Variants in RPGRIP1 observed in about 807,000 individuals in gnomAD.
RPGRIP1 encodes the protein X-linked retinitis pigmentosa GTPase regulator-interacting protein 1.
RPGRIP1 carries 128 observed loss-of-function variants against 157.9 expected under a neutral mutation model. The observed-to-expected ratio is 0.81, with a 90% CI of 0.70 to 0.94. RPGRIP1 has a LOEUF of 0.94. Among genes scored for constraint, RPGRIP1 ranks in the 40% least tolerant of loss-of-function variants. The probability of loss-of-function intolerance (pLI) is 0.00; values close to 1 mark genes in which losing one functional copy is unlikely to be tolerated. For missense variants in RPGRIP1, 1,486 were observed against 1,545.8 expected, an observed-to-expected ratio of 0.96 and a Z score of 0.65; for synonymous variants, 554 against 571.6, an observed-to-expected ratio of 0.97 and a Z score of 0.44.
At chr14:21,285,901 T>TG (rs1182958576) in intron 1 of RPGRIP1, among the ~76,000 whole-genome samples, 1 of 151,748 alleles carries the variant, frequency 6.6e-6, no homozygotes, top group Non-Finnish European at 1.5e-5. Context: ...GAGAGGAAAA[T>TG]GGGGAGAGCA....
chr14:21,342,075 C>G (rs1885070578), intron 21 of RPGRIP1, among the ~76,000 whole-genome samples: 1 of 150,714 alleles, frequency 6.6e-6, no homozygotes, highest in Admixed American at 6.6e-5. Context: ...GACTGGAGTT[C>G]CTGTGGGAGG....
intron 12 of RPGRIP1, among the ~76,000 whole-genome samples, chr14:21,320,595 CTTTTTTTTT>C (rs34911429): frequency 2.1e-5 from 2 of 95,170 alleles, no homozygotes; most frequent in Non-Finnish European, 4.0e-5. Flanking sequence ...CCGGCCCACT[CTTTTTTTTT>C]TTTTTTTTTT....
At chr14:21,298,325 C>T (rs1043116943) in intron 3 of RPGRIP1, among the ~76,000 whole-genome samples, 2 of 152,006 alleles carry the variant, frequency 1.3e-5, no homozygotes, top group African/African-American at 4.8e-5. Context: ...CGTGGTGAAA[C>T]CCCGTCTCTT....
At chr14:21,328,015 A>G (rs1448219619) in intron 18 of RPGRIP1, among the ~76,000 whole-genome samples, 5 of 152,132 alleles carry the variant, frequency 3.3e-5, no homozygotes, top group Admixed American at 1.3e-4. Flanking sequence ...CTAAAAATAC[A>G]AAAAATTAGC....
At chr14:21,323,918 G>A (rs1405000808) in intron 14 of RPGRIP1, 1 of 154,466 alleles carries the variant, frequency 6.5e-6, no homozygotes, top group Admixed American at 6.3e-5. Context: ...ATTTGAAGCA[G>A]GCTATATATC....
At chr14:21,328,281 A>G in intron 18 of RPGRIP1, 143 bp from the exon 19 acceptor site, 3 of 631,886 alleles carry the variant, frequency 4.7e-6, no homozygotes, top group Non-Finnish European at 8.2e-6. Context: ...CCTGGGTTTT[A>G]CTGCGGAAAA....
rs1034901953 is a variant in RPGRIP1 at position 21,321,201 on chromosome 14, A to G, written c.1468-58A>G. ...ACCAACAACTGTTTTATGGAGAATC[A>G]TTATTACTTTACCTGTCATATTTAT... On this transcript the variant is annotated intron_variant, in intron 12 of 24. Coordinates refer to ENST00000400017, the MANE Select transcript of RPGRIP1 (RefSeq NM_020366.4). 7.2e-6 allele frequency: 11 copies of G among 1,534,176 alleles called. No homozygotes were observed. In the South Asian group the frequency reaches 8.6e-5, roughly 12 times the overall value.
chr14:21,348,190 A>G lies in RPGRIP1; in HGVS notation c.3636A>G (p.Val1212=). The change falls in exon 24 of 25, where the codon GTA becomes GTG. Residue 1212 remains valine, a synonymous_variant. Transcript: ENST00000400017. Reference sequence around the variant, plus strand: ...TTTTTAGTTTAAAGTTTACAGTGGTAAGTGATCCTCTGGATGAAGAAAAGA... The same window carrying G: ...TTTTTAGTTTAAAGTTTACAGTGGTGAGTGATCCTCTGGATGAAGAAAAGA... ...PDQGHLKFTV[V]SDPLDEEKKE... 1 of 1,584,396 alleles carries G rather than the reference A, an allele frequency of 6.3e-7. No homozygotes were observed. The highest frequency in any genetic ancestry group is 1.3e-5 in the African/African-American group (1 of 74,442).
intron 14 of RPGRIP1, 37 bp downstream of exon 14, chr14:21,322,041 C>G: frequency 6.5e-7 from 1 of 1,546,116 alleles, no homozygotes; most frequent in Non-Finnish European, 8.8e-7. Context: ...ACTTCGGGAC[C>G]CTTCCACAGC....
Position 21,327,699 on chromosome 14 carries a change from C to T in RPGRIP1, c.2787C>T (p.Tyr929=). 1.2e-6 allele frequency: 2 copies of T among 1,613,894 alleles called. No individual in the cohort carries two copies. The highest frequency in any genetic ancestry group is 1.7e-6 in the Non-Finnish European group (2 of 1,179,802). Residue 929 remains tyrosine (Y), a synonymous_variant, in exon 18 of 25, where the codon TAC becomes TAT. Coordinates refer to ENST00000400017, the MANE Select transcript of RPGRIP1 (RefSeq NM_020366.4). ...IQVQLDWKFP[Y]IPPESFLKPE... Reference sequence around the variant, plus strand: ...TGCAACTGGATTGGAAGTTTCCCTACATACCCCCTGAGAGCTTCCTGAAAC... The same window carrying T: ...TGCAACTGGATTGGAAGTTTCCCTATATACCCCCTGAGAGCTTCCTGAAAC...
chr14:21,290,337 T>G (rs1046484048), intron 2 of RPGRIP1, among the ~76,000 whole-genome samples: 1 of 152,230 alleles, frequency 6.6e-6, no homozygotes, highest in African/African-American at 2.4e-5. Context: ...CACTTGTTAT[T>G]GTTTGTAACT....
rs567586088 is a variant in RPGRIP1 at position 21,287,478 on chromosome 14, G to T, written c.-38-461G>T. On this transcript the variant is annotated intron_variant, in intron 1 of 24. Transcript: ENST00000400017. ...CAGTTTTATTTTCAACCTCCTAGGA[G>T]ATAGAATCTGATTGGTTCAGCGAGG... Among the ~76,000 whole-genome samples, 393 of 152,282 alleles carry T rather than the reference G, an allele frequency of 2.6e-3. 4 individuals are homozygous for T. The highest frequency in any genetic ancestry group is 9.1e-3 in the African/African-American group (378 of 41,566).
Position 21,328,576 on chromosome 14 carries a change from G to A in RPGRIP1, c.3048G>A (p.Lys1016=). 6.2e-7 allele frequency: 1 copy of A among 1,613,736 alleles called. No individual in the cohort carries two copies. Among genetic ancestry groups the A allele is most frequent in the Non-Finnish European group, 8.5e-7 (1 of 1,179,732 alleles). ...KHGKRIGVQG[K]NRMEYLSLNI... ...GCAAAAGAATAGGTGTTCAAGGAAA[G>A]AATAGAATGGAGTATCTTAGCCTTA... Residue 1016 remains lysine, a synonymous_variant, in exon 19 of 25, where the codon AAG becomes AAA. Transcript: ENST00000400017.
chr14:21,348,770 G>A lies in RPGRIP1; in HGVS notation c.3748+468G>A, dbSNP rs576806851. 8.8e-5 allele frequency among the ~76,000 whole-genome samples: 13 copies of A among 147,076 alleles called. No individual in the cohort carries two copies. The East Asian group carries it at 2.7e-3, about 31-fold the overall frequency. On this transcript the variant is annotated intron_variant, in intron 24 of 24. Coordinates refer to ENST00000400017, the MANE Select transcript of RPGRIP1 (RefSeq NM_020366.4). ...AACCTCTGCCTCCCAGGTTCCAGCT[G>A]TTCTCCTGCCTCAGCTTCCTGCCTC...
intron 4 of RPGRIP1, among the ~76,000 whole-genome samples, chr14:21,302,279 T>TA (rs550955767): frequency 1.0e-3 from 153 of 152,288 alleles, no homozygotes; most frequent in Middle Eastern, 3.4e-3. Context: ...TATTTGTACT[T>TA]ACTCACTTGA....
At chr14:21,288,104 G>T (rs375014022) in intron 2 of RPGRIP1, 43 bp downstream of exon 2, 9 of 1,255,366 alleles carry the variant, frequency 7.2e-6, no homozygotes, top group African/African-American at 5.9e-5. Context: ...AGAATTAAAA[G>T]AACTCTCACT....
At position 21,310,083 on chromosome 14, in the gene RPGRIP1, A is replaced by C. The variant is rs1330045154; in HGVS notation, c.907-501A>C. Among the ~76,000 whole-genome samples the C allele has an allele frequency of 1.9e-5, 2 of 104,728 alleles. 1 individual carries two copies. The highest frequency in any genetic ancestry group is 7.5e-5 in the African/African-American group (2 of 26,636). The allele number at this position is 104,728 out of a possible 152,430, so 68.7% of individuals were successfully genotyped here. On this transcript the variant is annotated intron_variant, in intron 7 of 24. Transcript: ENST00000400017. ...CTGGGCAACAGAGTGAGACTGTCTCAAAAACAAAAACGAAAACTTACCTCT... is the reference window on the plus strand; with the variant it reads ...CTGGGCAACAGAGTGAGACTGTCTCCAAAACAAAAACGAAAACTTACCTCT...
At chr14:21,304,970 T>G (rs1193353214) in intron 6 of RPGRIP1, among the ~76,000 whole-genome samples, 1 of 151,962 alleles carries the variant, frequency 6.6e-6, no homozygotes, top group Non-Finnish European at 1.5e-5. Context: ...CCCGGCTAAT[T>G]TTTTTGTATT....
At chr14:21,281,129 TG>T (rs1880109115) in intron 1 of RPGRIP1, among the ~76,000 whole-genome samples, 1 of 151,834 alleles carries the variant, frequency 6.6e-6, no homozygotes, top group Non-Finnish European at 1.5e-5. Context: ...ACAATTCTCC[TG>T]CCTCAACCTC....
Sources: allele counts gnomAD v4.1 joint callset (sites outside exome capture counted in the v4.1 genomes callset), GRCh38; gene constraint gnomAD v4.1.1; transcripts MANE v1.5; gene names NCBI Gene and HGNC (gene_info 2026-07-23, HGNC 2026-07-21).